The following PITPNM2 variants were observed in gnomAD, a reference collection of about 807,000 sequenced individuals.
The protein encoded by PITPNM2 is membrane-associated phosphatidylinositol transfer protein 2.
In PITPNM2, 35 loss-of-function variants were observed where a neutral mutation model predicts 132.2. The observed-to-expected ratio is 0.26, with a 90% CI of 0.20 to 0.35. The LOEUF (loss-of-function observed/expected upper bound fraction) is 0.35. Among genes scored for constraint, PITPNM2 ranks in the 10% least tolerant of loss-of-function variants. The pLI, the probability that PITPNM2 is intolerant of heterozygous loss-of-function variation, is 1.00. For synonymous variants in PITPNM2, 738 were observed against 799.2 expected (o/e 0.92, Z 1.29); for missense variants, 1,332 against 1,912.0 (o/e 0.70, Z 5.66).
rs1313581786 is a variant in PITPNM2, at chr12:123,022,615, T to C, written c.79-8573A>G. ...AGAGCCCTGAGATGTTGTGGGATCATGCTCCCCACTCCACAAGTAAGAAAC... is the reference window on the plus strand; with the variant it reads ...AGAGCCCTGAGATGTTGTGGGATCACGCTCCCCACTCCACAAGTAAGAAAC... On this transcript the variant is annotated intron_variant, in intron 3 of 25. Transcript: ENST00000320201. The surrounding 1 kb of genome is among the most constrained non-coding windows in gnomAD (Gnocchi z 4.9). 6.6e-6 allele frequency among the ~76,000 whole-genome samples: 1 copy of C among 152,162 alleles called. No individual in the cohort carries two copies. The highest frequency in any genetic ancestry group is 1.9e-4 in the East Asian group (1 of 5,198).
intron 8 of PITPNM2, among the ~76,000 whole-genome samples, chr12:123,002,773 C>G (rs1019497313): frequency 8.5e-5 from 13 of 152,104 alleles, no homozygotes; most frequent in Non-Finnish European, 1.8e-4. Flanking sequence ...TTTCAATACA[C>G]CAGTGCATGG....
chr12:123,007,563 A>T, intron 6 of PITPNM2: 1 of 323,430 alleles, frequency 3.1e-6, no homozygotes. Flanking sequence ...CTCACTTCCC[A>T]CCCCTGGCTT....
chr12:123,045,972 A>G (rs968691737), intron 2 of PITPNM2, among the ~76,000 whole-genome samples: 1 of 151,998 alleles, frequency 6.6e-6, no homozygotes, highest in Non-Finnish European at 1.5e-5. Context: ...AGGGTGTCAC[A>G]GCCCTTTAGC....
At position 123,127,821 on chromosome 12, in the gene PITPNM2, G is replaced by C. The variant is rs573414712; in HGVS notation, c.-199-17333C>G. Reference sequence around the variant, plus strand: ...AGACGGGGTTTCACCGCGTTAGCCAGGATGGTATCAATCTCCTGACCTCGT... The same window carrying C: ...AGACGGGGTTTCACCGCGTTAGCCACGATGGTATCAATCTCCTGACCTCGT... On this transcript the variant is annotated intron_variant, in intron 1 of 25. Coordinates refer to ENST00000320201, the MANE Select transcript of PITPNM2 (RefSeq NM_020845.3). 5.3e-5 allele frequency among the ~76,000 whole-genome samples: 8 copies of C among 152,178 alleles called. No homozygotes were observed. The South Asian group carries it at 1.7e-3, about 32-fold the overall frequency.
At position 123,023,087 on chromosome 12, in the gene PITPNM2, G is replaced by A. The variant is rs1020310811; in HGVS notation, c.79-9045C>T. On this transcript the variant is annotated intron_variant, in intron 3 of 25. Transcript: ENST00000320201. The surrounding 1 kb of genome is among the most constrained non-coding windows in gnomAD (Gnocchi z 4.8). ...TTTATTGCACAGCTGAATGAGGTAG[G>A]CAGTTCGAAGCACAGGCTGGGCTGG... Among the ~76,000 whole-genome samples the A allele has an allele frequency of 6.6e-6, 1 of 152,258 alleles. No individual in the cohort carries two copies. Among genetic ancestry groups the A allele is most frequent in the Non-Finnish European group, 1.5e-5 (1 of 68,046 alleles).
intron 2 of PITPNM2, among the ~76,000 whole-genome samples, chr12:123,040,262 A>C (rs1198572655): frequency 6.6e-6 from 1 of 152,226 alleles, no homozygotes; most frequent in Non-Finnish European, 1.5e-5. Flanking sequence ...TTTAATAGTT[A>C]CAGAGTTTCT....
At chr12:123,104,129 A>G (rs987095736) in intron 2 of PITPNM2, among the ~76,000 whole-genome samples, 1 of 152,116 alleles carries the variant, frequency 6.6e-6, no homozygotes, top group African/African-American at 2.4e-5. Flanking sequence ...TCTCCATGTT[A>G]ATCAGGCTGA....
At chr12:123,018,498 T>C (rs1196046324) in intron 3 of PITPNM2, among the ~76,000 whole-genome samples, 1 of 151,950 alleles carries the variant, frequency 6.6e-6, no homozygotes, top group African/African-American at 2.4e-5. Context: ...TTTTGCCATG[T>C]TGGCCAGGAG....
chr12:122,986,007 C>T lies in PITPNM2; in HGVS notation c.*20G>A, dbSNP rs962129589. On this transcript the variant is annotated 3_prime_UTR_variant, in exon 26 of 26. Coordinates refer to ENST00000320201, the MANE Select transcript of PITPNM2 (RefSeq NM_020845.3). ...CCCTGGCCTAGCACCATGGAGACCCCGCGCTGCACTCACGGTGCCCTACTT... is the reference window on the plus strand; with the variant it reads ...CCCTGGCCTAGCACCATGGAGACCCTGCGCTGCACTCACGGTGCCCTACTT... 57 of 1,383,206 alleles carry T rather than the reference C, an allele frequency of 4.1e-5. No individual in the cohort carries two copies. The highest frequency in any genetic ancestry group is 9.2e-5 in the African/African-American group (6 of 65,226). The allele number at this position is 1,383,206 out of a possible 1,614,324, so 85.7% of individuals were successfully genotyped here.
chr12:123,021,776 C>CA (rs1446739826), intron 3 of PITPNM2: 1 of 878,260 alleles, frequency 1.1e-6, no homozygotes, highest in East Asian at 1.2e-4. Flanking sequence ...TGTCTGGGTA[C>CA]AAACCCTCCT....
At chr12:123,109,188 G>A (rs2042784214) in intron 2 of PITPNM2, among the ~76,000 whole-genome samples, 1 of 152,122 alleles carries the variant, frequency 6.6e-6, no homozygotes, top group African/African-American at 2.4e-5. Flanking sequence ...TCCATCCTCC[G>A]TGCCTCCAAA....
intron 2 of PITPNM2, among the ~76,000 whole-genome samples, chr12:123,079,922 C>A (rs2041908214): frequency 6.6e-6 from 1 of 152,192 alleles, no homozygotes; most frequent in Non-Finnish European, 1.5e-5. Context: ...CAGTCTCTCT[C>A]CAGTCCCCTC....
At chr12:123,096,808 G>T (rs1336360948) in intron 2 of PITPNM2, among the ~76,000 whole-genome samples, 1 of 152,202 alleles carries the variant, frequency 6.6e-6, no homozygotes, top group Non-Finnish European at 1.5e-5. Flanking sequence ...AAGGTGGCTT[G>T]TGGAAGTCAG....
chr12:123,073,937 C>G (rs1385032444), intron 2 of PITPNM2, among the ~76,000 whole-genome samples: 1 of 152,188 alleles, frequency 6.6e-6, no homozygotes, highest in Non-Finnish European at 1.5e-5. Context: ...CCCCCCAGCT[C>G]TCCTCACCCA....
chr12:123,032,534 G>T (rs959152401), intron 3 of PITPNM2, among the ~76,000 whole-genome samples: 4 of 152,084 alleles, frequency 2.6e-5, no homozygotes, highest in African/African-American at 4.8e-5. Flanking sequence ...GTGTTTTGAG[G>T]AGCCCAGAGG....
At chr12:123,013,500 C>T (rs2039296313) in intron 4 of PITPNM2, among the ~76,000 whole-genome samples, 1 of 152,238 alleles carries the variant, frequency 6.6e-6, no homozygotes, top group Non-Finnish European at 1.5e-5. Flanking sequence ...TCTCAGCCTT[C>T]TTAGGGAGCC....
At chr12:123,040,801 A>G (rs529758923) in intron 2 of PITPNM2, among the ~76,000 whole-genome samples, 1 of 152,340 alleles carries the variant, frequency 6.6e-6, no homozygotes, top group Non-Finnish European at 1.5e-5. Flanking sequence ...TTTAAAAAAG[A>G]TTAAATTTAA....
rs1283770444 is a variant in PITPNM2 at position 122,983,849 on chromosome 12, A to T, written c.*2178T>A. On this transcript the variant is annotated 3_prime_UTR_variant, in exon 26 of 26. Coordinates refer to ENST00000320201, the MANE Select transcript of PITPNM2 (RefSeq NM_020845.3). ...GCAAGGCCTGCCTCACCCTTTGGTT[A>T]TGACTGGTCAGGCCTGAGCCCTGCA... The T allele has an allele frequency of 6.6e-6, 1 of 152,644 alleles. No individual in the cohort carries two copies. Among genetic ancestry groups the T allele is most frequent in the Non-Finnish European group, 1.5e-5 (1 of 68,056 alleles). 9.5% of individuals were successfully genotyped at this position (152,644 alleles called of 1,614,324 possible).
chr12:123,017,307 G>A (rs1566249899), intron 3 of PITPNM2, among the ~76,000 whole-genome samples: 1 of 151,744 alleles, frequency 6.6e-6, no homozygotes, highest in African/African-American at 2.4e-5. Context: ...AGGAGGCAGA[G>A]GTCACAGTGA....
Sources: gnomAD v4.1 joint callset for allele counts (sites outside exome capture counted in the v4.1 genomes callset) on GRCh38, gnomAD v4.1.1 for gene constraint, Gnocchi (gnomAD v3.1) non-coding constraint, MANE v1.5 for transcripts, NCBI Gene and HGNC (gene_info 2026-07-23, HGNC 2026-07-21) for gene names.